The following ITGA2 variants were observed in gnomAD, a reference collection of about 807,000 sequenced individuals.
ITGA2 encodes integrin subunit alpha 2.
A neutral mutation model predicts 146.3 loss-of-function variants in ITGA2; 101 were observed. The ratio of observed to expected loss-of-function variants is 0.69; its 90% CI spans 0.59 to 0.81. The LOEUF (loss-of-function observed/expected upper bound fraction) is 0.81, where lower values mean the gene tolerates loss of function less well. ITGA2 is among the 40% of genes least tolerant of loss of function. The probability of loss-of-function intolerance (pLI) is 0.00; values close to 1 mark genes in which losing one functional copy is unlikely to be tolerated. For missense variants in ITGA2, 1,281 were observed against 1,402.7 expected, an observed-to-expected ratio of 0.91 and a Z score of 1.39; for synonymous variants, 477 against 487.1, an observed-to-expected ratio of 0.98 and a Z score of 0.27.
chr5:53,028,164 G>A (rs1235637579), intron 2 of ITGA2, among the ~76,000 whole-genome samples: 1 of 152,052 alleles, frequency 6.6e-6, no homozygotes, highest in Admixed American at 6.5e-5. Flanking sequence ...CTAAACAATT[G>A]AATTCAAAGA....
chr5:53,088,980 G>C (rs571894754), intron 28 of ITGA2: 5 of 152,192 alleles, frequency 3.3e-5, no homozygotes, highest in African/African-American at 9.7e-5. Context: ...GTGGAAAAGA[G>C]AGAAGTAGGC....
rs1459747170 is a variant in ITGA2, at chr5:53,004,335, C to T, written c.64+14803C>T. Among the ~76,000 whole-genome samples, 3 of 152,092 alleles carry T rather than the reference C, an allele frequency of 2.0e-5. No homozygotes were observed. In the East Asian group the frequency reaches 5.8e-4, roughly 29 times the overall value. ...TTAGATAAGCCATAGGCAAACAATT[C>T]CCTACCTTGTTGGGTCATTGGGAAG... On this transcript the variant is annotated intron_variant, in intron 1 of 29. Coordinates refer to ENST00000296585, the MANE Select transcript of ITGA2 (RefSeq NM_002203.4).
chr5:53,014,987 TTTTC>T (rs1181330020), intron 1 of ITGA2, among the ~76,000 whole-genome samples: 6 of 152,134 alleles, frequency 3.9e-5, no homozygotes, highest in Non-Finnish European at 8.8e-5. Flanking sequence ...TTGCCTCTCT[TTTTC>T]TTTATTAGTC....
At chr5:53,052,328 A>G (rs959778397) in intron 7 of ITGA2, among the ~76,000 whole-genome samples, 4 of 151,932 alleles carry the variant, frequency 2.6e-5, no homozygotes, top group Non-Finnish European at 5.9e-5. Flanking sequence ...GCTCCCACTT[A>G]TGAGTGAGAA....
chr5:53,008,599 C>T (rs912431286), intron 1 of ITGA2, among the ~76,000 whole-genome samples: 12 of 151,568 alleles, frequency 7.9e-5, no homozygotes, highest in African/African-American at 2.7e-4. Context: ...AACAAATAGC[C>T]GCAAATCATG....
At chr5:53,072,378 G>T (rs1745436343) in intron 18 of ITGA2, among the ~76,000 whole-genome samples, 1 of 151,612 alleles carries the variant, frequency 6.6e-6, no homozygotes. Context: ...ATGAAGCTCT[G>T]CGTATAGCTG....
intron 26 of ITGA2, among the ~76,000 whole-genome samples, chr5:53,082,626 C>T (rs553815946): frequency 1.3e-5 from 2 of 152,260 alleles, no homozygotes; most frequent in South Asian, 4.2e-4. Flanking sequence ...CAAAATCCCG[C>T]ACAAGAGTGG....
At position 53,081,578 on chromosome 5, in the gene ITGA2, T is replaced by C; in HGVS notation, c.3040-14T>C. The C allele has an allele frequency of 6.3e-7, 1 of 1,589,110 alleles. No individual in the cohort carries two copies. Among genetic ancestry groups the C allele is most frequent in the Non-Finnish European group, 8.6e-7 (1 of 1,159,162 alleles). ...TTTGCTTCTGAAGTCTGATCGGGTG[T>C]TCTTCTTTTATAGGCTGGTGACATC... On this transcript the variant is annotated splice_polypyrimidine_tract_variant and intron_variant, in intron 25 of 29. Transcript: ENST00000296585.
At chr5:53,026,562 T>C (rs1337846688) in intron 1 of ITGA2, among the ~76,000 whole-genome samples, 186 bp from the exon 2 acceptor site, 1 of 152,188 alleles carries the variant, frequency 6.6e-6, no homozygotes, top group African/African-American at 2.4e-5. Flanking sequence ...GCATATATAG[T>C]ATTTAGCTTG....
At chr5:53,037,474 G>A (rs1262819948) in intron 2 of ITGA2, among the ~76,000 whole-genome samples, 1 of 152,108 alleles carries the variant, frequency 6.6e-6, no homozygotes, top group African/African-American at 2.4e-5. Context: ...GTTTCTCTTG[G>A]TGTGTCTCTT....
rs1743832944 is a variant in ITGA2 at position 53,042,191 on chromosome 5, A to G, written c.265A>G (p.Thr89Ala). The G allele has an allele frequency of 1.2e-6, 2 of 1,612,750 alleles. No homozygotes were observed. Among genetic ancestry groups the G allele is most frequent in the African/African-American group, 1.3e-5 (1 of 74,892 alleles). ...GTATAAATGTCCTGTTGACCTATCC[A>G]CTGCCACATGTGAAAAACTAAATTT... Reference protein sequence around the residue: ...DVYKCPVDLSTATCEKLNLQT... With the variant: ...DVYKCPVDLSAATCEKLNLQT... Residue 89 changes from threonine (T) to alanine (A), a missense_variant, in exon 3 of 30, where the codon ACT becomes GCT. Physicochemically the swap from Thr to Ala is moderately conservative, Grantham distance 58 (BLOSUM62 0). This residue lies in a region of ITGA2 where 795 missense variants were observed against 841.7 expected (regional missense o/e 0.94). Transcript: ENST00000296585.
chr5:53,087,088 C>A (rs1746194346), intron 28 of ITGA2, 47 bp downstream of exon 28: 1 of 1,304,018 alleles, frequency 7.7e-7, no homozygotes, highest in African/African-American at 1.5e-5. Context: ...TCTGTGATGG[C>A]ATTCCACTTC....
At chr5:53,055,421 G>A (rs1269524760) in intron 7 of ITGA2, 117 bp from the exon 8 acceptor site, 8 of 845,958 alleles carry the variant, frequency 9.5e-6, no homozygotes, top group Non-Finnish European at 1.6e-5. Context: ...AATTAATATG[G>A]AGTTACAATA....
chr5:53,031,225 C>T (rs1268040909), intron 2 of ITGA2, among the ~76,000 whole-genome samples: 1 of 152,192 alleles, frequency 6.6e-6, no homozygotes, highest in African/African-American at 2.4e-5. Flanking sequence ...TAGTTTTGGA[C>T]ACAGAAATTG....
chr5:53,002,170 T>G (rs1008408180), intron 1 of ITGA2, among the ~76,000 whole-genome samples: 6 of 152,126 alleles, frequency 3.9e-5, no homozygotes, highest in Admixed American at 6.5e-5. Flanking sequence ...TTGGTTAGTA[T>G]TCTAAAATTT....
rs572374055 is a variant in ITGA2, at chr5:53,081,963, C to G, written c.3144+267C>G. ...GCCACTTCTTACAAAATATAAGTTC[C>G]AGACTTTATGACATCAGAAAAACTC... On this transcript the variant is annotated intron_variant, in intron 26 of 29. Coordinates refer to ENST00000296585, the MANE Select transcript of ITGA2 (RefSeq NM_002203.4). Among the ~76,000 whole-genome samples, 12 of 152,222 alleles carry G rather than the reference C, an allele frequency of 7.9e-5. No homozygotes were observed. In the South Asian group the frequency reaches 2.3e-3, roughly 29 times the overall value.
chr5:53,023,329 G>C (rs1469487880), intron 1 of ITGA2, among the ~76,000 whole-genome samples: 3 of 152,138 alleles, frequency 2.0e-5, no homozygotes, highest in African/African-American at 7.2e-5. Context: ...CCGGTGCCTG[G>C]GATGAACTTT....
intron 1 of ITGA2, among the ~76,000 whole-genome samples, chr5:53,001,617 T>G (rs1435158526): frequency 1.3e-5 from 2 of 152,112 alleles, no homozygotes; most frequent in African/African-American, 4.8e-5. Context: ...GAAGGATTGT[T>G]TGAGGCCAGG....
rs1323896310 is a variant in ITGA2 at position 53,042,188 on chromosome 5, T to C, written c.262T>C (p.Ser88Pro). Residue 88 changes from serine (S) to proline (P), a missense_variant, in exon 3 of 30, where the codon TCC becomes CCC. Physicochemically the swap from Ser to Pro is moderately conservative, Grantham distance 74. This residue lies in a region of ITGA2 where 795 missense variants were observed against 841.7 expected (regional missense o/e 0.94). Coordinates refer to ENST00000296585, the MANE Select transcript of ITGA2 (RefSeq NM_002203.4). ...TGTGTATAAATGTCCTGTTGACCTA[T>C]CCACTGCCACATGTGAAAAACTAAA... ...GDVYKCPVDL[S>P]TATCEKLNLQ... is the part of the protein sequence containing the mutation. 2.4e-5 allele frequency: 38 copies of C among 1,613,040 alleles called. No homozygotes were observed. Among genetic ancestry groups the C allele is most frequent in the Non-Finnish European group, 3.1e-5 (37 of 1,179,060 alleles).
Sources: allele counts gnomAD v4.1 joint callset (sites outside exome capture counted in the v4.1 genomes callset), GRCh38; gene constraint gnomAD v4.1.1; regional missense constraint gnomAD v4.1.1; transcripts MANE v1.5; gene names NCBI Gene and HGNC (gene_info 2026-07-23, HGNC 2026-07-21).